The following CDH12 variants were observed in gnomAD, a reference collection of about 807,000 sequenced individuals.
CDH12 encodes cadherin-12.
In CDH12, 41 loss-of-function variants were observed where a neutral mutation model predicts 74.1. The observed-to-expected ratio is 0.55, with a 90% CI of 0.43 to 0.72. The LOEUF (loss-of-function observed/expected upper bound fraction) is 0.72. Ranked by LOEUF, CDH12 falls within the 30% of genes least tolerant of loss-of-function variation. The probability of loss-of-function intolerance (pLI) is 0.00; values close to 1 mark genes in which losing one functional copy is unlikely to be tolerated. For missense variants in CDH12, 945 were observed against 977.2 expected, an observed-to-expected ratio of 0.97 and a Z score of 0.44; for synonymous variants, 399 against 355.0, an observed-to-expected ratio of 1.12 and a Z score of -1.39.
intron 1 of CDH12, among the ~76,000 whole-genome samples, chr5:22,769,094 G>A (rs1331002886): frequency 1.3e-5 from 2 of 152,118 alleles, no homozygotes; most frequent in African/African-American, 4.8e-5. Context: ...CCCAGTGATG[G>A]TTACTAAGAG....
At chr5:22,386,185 C>T (rs185314086) in intron 3 of CDH12, among the ~76,000 whole-genome samples, 2 of 152,236 alleles carry the variant, frequency 1.3e-5, no homozygotes, top group Admixed American at 1.3e-4. Context: ...AGCCACTGCG[C>T]CCGGCCGGCT....
At position 21,752,005 on chromosome 5, in the gene CDH12, G is replaced by C. The variant is rs756028192; in HGVS notation, c.2117C>G (p.Pro706Arg). The change falls in exon 15 of 15, where the codon CCC (proline) becomes CGC (arginine). Residue 706 changes from proline (P) to arginine (R), a missense_variant. This residue lies in a region of CDH12 where 791 missense variants were observed against 792.8 expected (regional missense o/e 1.00). Coordinates refer to ENST00000382254, the MANE Select transcript of CDH12 (RefSeq NM_004061.5). ...CCTTATGTCTGTGTTATCTTCCATGGGTGGTCTCTGACGAGGTAAACAGAG... is the reference window on the plus strand; with the variant it reads ...CCTTATGTCTGTGTTATCTTCCATGCGTGGTCTCTGACGAGGTAAACAGAG... ...DSLCLPRQRP[P>R]MEDNTDIRDF... is the part of the protein sequence containing the mutation. The C allele has an allele frequency of 1.9e-6, 3 of 1,613,908 alleles. No individual in the cohort carries two copies. Among genetic ancestry groups the C allele is most frequent in the African/African-American group, 2.7e-5 (2 of 74,864 alleles).
At chr5:22,767,302 T>C (rs1472394116) in intron 1 of CDH12, among the ~76,000 whole-genome samples, 1 of 152,052 alleles carries the variant, frequency 6.6e-6, no homozygotes. Flanking sequence ...CTTTGAATGT[T>C]CTTTAATTGG....
At chr5:22,390,506 A>G (rs1053805195) in intron 3 of CDH12, among the ~76,000 whole-genome samples, 9 of 152,038 alleles carry the variant, frequency 5.9e-5, no homozygotes, top group Non-Finnish European at 5.9e-5. Flanking sequence ...TCTCACTTCC[A>G]AAGGAAATCT....
intron 4 of CDH12, among the ~76,000 whole-genome samples, chr5:22,207,153 A>C (rs564367820): frequency 6.7e-6 from 1 of 148,242 alleles, no homozygotes; most frequent in East Asian, 2.0e-4. Context: ...TGGGAGGCAG[A>C]GCTTGCAGTG....
chr5:21,881,594 AT>A (rs527977443), intron 6 of CDH12, among the ~76,000 whole-genome samples: 4 of 151,792 alleles, frequency 2.6e-5, no homozygotes, highest in Non-Finnish European at 5.9e-5. Context: ...TATTTTTTCC[AT>A]TTTTTTTAAA....
intron 6 of CDH12, among the ~76,000 whole-genome samples, chr5:21,891,634 T>C (rs1375351992): frequency 3.3e-5 from 5 of 151,088 alleles, no homozygotes; most frequent in African/African-American, 9.7e-5. Flanking sequence ...CAAGTCTTTT[T>C]AGCAGACTAA....
At chr5:22,244,405 T>C (rs1752845356) in intron 3 of CDH12, among the ~76,000 whole-genome samples, 1 of 139,702 alleles carries the variant, frequency 7.2e-6, no homozygotes, top group African/African-American at 2.7e-5. Context: ...TGAGGCACAA[T>C]AATCGCTTGA....
intron 2 of CDH12, among the ~76,000 whole-genome samples, chr5:22,421,728 G>A (rs1185902566): frequency 6.6e-6 from 1 of 152,130 alleles, no homozygotes; most frequent in Non-Finnish European, 1.5e-5. Flanking sequence ...GGGCCAAATG[G>A]TATTTCTGGT....
intron 3 of CDH12, among the ~76,000 whole-genome samples, chr5:22,382,852 C>T (rs112745375): frequency 0.025 from 3,788 of 151,846 alleles, 60 homozygotes; most frequent in African/African-American, 0.042. Flanking sequence ...TTTTTTGAGA[C>T]GGAGTTTCAC....
rs568002410 is a variant in CDH12, at chr5:22,502,450, G to A, written c.-428+2820C>T. On this transcript the variant is annotated intron_variant, in intron 2 of 14. Coordinates refer to ENST00000382254, the MANE Select transcript of CDH12 (RefSeq NM_004061.5). ...TCTCAGGTACGTCTTTATTAGCAGC[G>A]TGAGAACACACTAATACATTAGTTA... is the stretch of plus-strand genomic sequence containing the variant. Among the ~76,000 whole-genome samples, 33 of 152,052 alleles carry A rather than the reference G, an allele frequency of 2.2e-4. No homozygotes were observed. The East Asian group carries it at 2.3e-3, about 11-fold the overall frequency.
chr5:21,814,264 A>G (rs1270186776), intron 9 of CDH12, among the ~76,000 whole-genome samples: 1 of 152,008 alleles, frequency 6.6e-6, no homozygotes, highest in Non-Finnish European at 1.5e-5. Context: ...AATTTTGCAT[A>G]TCTCAATTTT....
chr5:22,538,755 G>A (rs1316962196), intron 1 of CDH12, among the ~76,000 whole-genome samples: 1 of 152,148 alleles, frequency 6.6e-6, no homozygotes, highest in Non-Finnish European at 1.5e-5. Flanking sequence ...CTCAATTCAT[G>A]CATTTGTTTG....
At chr5:22,571,999 T>C (rs750153813) in intron 1 of CDH12, among the ~76,000 whole-genome samples, 15 of 152,026 alleles carry the variant, frequency 9.9e-5, no homozygotes, top group Non-Finnish European at 1.5e-4. Flanking sequence ...GCATATGCTG[T>C]TGGAAAAATG....
chr5:22,487,706 A>G (rs1463554826), intron 2 of CDH12, among the ~76,000 whole-genome samples: 1 of 152,238 alleles, frequency 6.6e-6, no homozygotes, highest in Non-Finnish European at 1.5e-5. Context: ...AAATCAGTAC[A>G]AAATTGAAGA....
intron 6 of CDH12, among the ~76,000 whole-genome samples, chr5:21,959,728 T>C (rs1410825268): frequency 1.5e-5 from 2 of 130,114 alleles, no homozygotes; most frequent in Non-Finnish European, 3.1e-5. Context: ...GCCAACATTG[T>C]GAAACCCCAT....
At chr5:22,367,924 T>C in intron 3 of CDH12, among the ~76,000 whole-genome samples, 1 of 152,300 alleles carries the variant, frequency 6.6e-6, no homozygotes, top group South Asian at 2.1e-4. Context: ...ACACATTTTT[T>C]TCCTGAAAAT....
At chr5:22,587,907 T>C (rs1053644777) in intron 1 of CDH12, among the ~76,000 whole-genome samples, 1 of 148,442 alleles carries the variant, frequency 6.7e-6, no homozygotes, top group Non-Finnish European at 1.5e-5. Context: ...ATATTGTGTG[T>C]GATATATATA....
At chr5:22,813,455 G>T (rs924604886) in intron 1 of CDH12, among the ~76,000 whole-genome samples, 1 of 151,976 alleles carries the variant, frequency 6.6e-6, no homozygotes, top group Admixed American at 6.6e-5. Context: ...CATCTCTGTG[G>T]TGAAAAAATA....
Sources: allele counts gnomAD v4.1 joint callset (sites outside exome capture counted in the v4.1 genomes callset), GRCh38; gene constraint gnomAD v4.1.1; regional missense constraint gnomAD v4.1.1; transcripts MANE v1.5; gene names NCBI Gene and HGNC (gene_info 2026-07-23, HGNC 2026-07-21).